GRIP2: variants seen among roughly 807,000 people sequenced by gnomAD.
GRIP2 encodes glutamate receptor-interacting protein 2.
Under a neutral mutation model 108.3 loss-of-function variants are expected in GRIP2, and 58 were observed. The observed-to-expected ratio is 0.54, with a 90% confidence interval of 0.43 to 0.67. GRIP2 has a LOEUF of 0.67. Ranked by LOEUF, GRIP2 falls within the 30% of genes least tolerant of loss-of-function variation. GRIP2 has a pLI of 0.00. For synonymous variants in GRIP2, 586 were observed against 598.2 expected (o/e 0.98, Z 0.30); for missense variants, 1,278 against 1,430.6 (o/e 0.89, Z 1.72).
chr3:14,495,211 G>C (rs190102855), intron 22 of GRIP2, among the ~76,000 whole-genome samples: 10 of 150,378 alleles, frequency 6.6e-5, no homozygotes, highest in African/African-American at 2.0e-4. Context: ...ACTCAAGTAC[G>C]ACGGAGCCCT....
At chr3:14,597,773 C>T in the GRIP2 span, among the ~76,000 whole-genome samples, 1 of 152,066 alleles carries the variant, frequency 6.6e-6, no homozygotes, top group African/African-American at 2.4e-5. Context: ...TCTATATCAC[C>T]ATTTGTGGCT....
chr3:14,599,679 C>CTGTGTGTGTGTGTGTGTGTG, the GRIP2 span, among the ~76,000 whole-genome samples: 5 of 107,076 alleles, frequency 4.7e-5, no homozygotes, highest in African/African-American at 1.9e-4. Flanking sequence ...CTCTCTCTCT[C>CTGTGTGTGTGTGTGTGTGTG]TCTCTCTGTG....
the GRIP2 span, among the ~76,000 whole-genome samples, chr3:14,566,035 G>C: frequency 6.6e-6 from 1 of 152,370 alleles, no homozygotes; most frequent in South Asian, 2.1e-4. Flanking sequence ...AAGAAAGGGA[G>C]GAGCGCATCC....
chr3:14,560,326 C>G (rs1695299858), upstream of GRIP2, among the ~76,000 whole-genome samples: 1 of 152,202 alleles, frequency 6.6e-6, no homozygotes, highest in African/African-American at 2.4e-5. Context: ...ATATGCTTCT[C>G]TGCCCATGTG....
intron 2 of GRIP2, 103 bp from the exon 3 acceptor site, chr3:14,525,675 G>C (rs1222356405): frequency 2.1e-6 from 3 of 1,415,482 alleles, no homozygotes; most frequent in Non-Finnish European, 3.0e-6. Context: ...AGGGCACTCT[G>C]CTGCATTGCC....
intron 1 of GRIP2, among the ~76,000 whole-genome samples, chr3:14,555,519 G>A (rs539172749): frequency 4.6e-5 from 7 of 152,174 alleles, no homozygotes; most frequent in Admixed American, 3.3e-4. Flanking sequence ...GAGCAGAGGC[G>A]GGGGCAGAGA....
In GRIP2 at chr3:14,507,544, G is replaced by T. The variant is rs1379111924; in HGVS notation, c.2218+17C>A. 2 of 1,610,428 alleles carry T rather than the reference G, an allele frequency of 1.2e-6. No homozygotes were observed. Among genetic ancestry groups the T allele is most frequent in the Non-Finnish European group, 1.7e-6 (2 of 1,176,936 alleles). Reference sequence around the variant, plus strand: ...TAAACCTGCTGGGTGGCTCCCAGGGGATGAAGCGAATCTCACGGTCTAGTT... The same window carrying T: ...TAAACCTGCTGGGTGGCTCCCAGGGTATGAAGCGAATCTCACGGTCTAGTT... On this transcript the variant is annotated intron_variant, in intron 18 of 23. Coordinates refer to ENST00000621039, the MANE Select transcript of GRIP2 (RefSeq NM_001080423.4). The surrounding 1 kb of genome is among the most constrained non-coding windows in gnomAD (Gnocchi z 4.6).
rs936968109 is a variant in GRIP2 at position 14,505,113 on chromosome 3, C to T, written c.2573+502G>A. On this transcript the variant is annotated intron_variant, in intron 20 of 23. Coordinates refer to ENST00000621039, the MANE Select transcript of GRIP2 (RefSeq NM_001080423.4). The surrounding 1 kb of genome is among the most constrained non-coding windows in gnomAD (Gnocchi z 4.2). ...AGAGACCAGGGGAAAGGCATCGAGG[C>T]AGAAGGAACCGCCTGATCAAAAGCA... Among the ~76,000 whole-genome samples, 9 of 152,148 alleles carry T rather than the reference C, an allele frequency of 5.9e-5. No homozygotes were observed. The highest frequency in any genetic ancestry group is 8.8e-5 in the Non-Finnish European group (6 of 68,014).
intron 20 of GRIP2, chr3:14,504,058 G>A (rs967829925): frequency 2.7e-5 from 7 of 257,770 alleles, no homozygotes; most frequent in Admixed American, 5.1e-5. Context: ...CGGCACCGTG[G>A]GACAGTGACA....
the GRIP2 span, among the ~76,000 whole-genome samples, chr3:14,586,985 G>T: frequency 6.6e-6 from 1 of 152,204 alleles, no homozygotes; most frequent in Non-Finnish European, 1.5e-5. Context: ...AGACTGAAAG[G>T]AAATACACCA....
At chr3:14,569,115 A>T in the GRIP2 span, among the ~76,000 whole-genome samples, 8 of 152,170 alleles carry the variant, frequency 5.3e-5, no homozygotes, top group African/African-American at 1.9e-4. Context: ...CTCTGCCCAG[A>T]CGCCCCCGCC....
intron 1 of GRIP2, among the ~76,000 whole-genome samples, chr3:14,550,106 G>A (rs1322400334): frequency 6.6e-6 from 1 of 152,166 alleles, no homozygotes; most frequent in Non-Finnish European, 1.5e-5. Context: ...TTGAGGACAG[G>A]GCTTGACCCT....
the GRIP2 span, chr3:14,574,058 G>T: frequency 1.3e-6 from 2 of 1,501,622 alleles, no homozygotes; most frequent in Non-Finnish European, 1.8e-6. Flanking sequence ...CCTGCTGCAC[G>T]TACTTGACGT....
At chr3:14,546,887 G>C (rs1032075224), upstream of GRIP2, among the ~76,000 whole-genome samples, 6 of 152,174 alleles carry the variant, frequency 3.9e-5, no homozygotes, top group African/African-American at 1.2e-4. Flanking sequence ...AGCCACAGTG[G>C]CAGCACCTGG....
Position 14,522,939 on chromosome 3 carries a change from T to C in GRIP2, c.566+61A>G. 7.0e-7 allele frequency: 1 copy of C among 1,422,956 alleles called. No homozygotes were observed. Among genetic ancestry groups the C allele is most frequent in the Non-Finnish European group, 9.9e-7 (1 of 1,006,042 alleles). 88.1% of individuals were successfully genotyped at this position (1,422,956 alleles called of 1,614,324 possible). A position where few individuals can be genotyped will look rare whatever the true frequency, so the allele number is the denominator to read the frequency against. ...GGGGCATGGTGACCCCACTCCACCT[T>C]CTTCGCAGGGGAGTTGGGGCAGGTC... On this transcript the variant is annotated intron_variant, in intron 6 of 23. Coordinates refer to ENST00000621039, the MANE Select transcript of GRIP2 (RefSeq NM_001080423.4). This position sits in a 1 kb window ranked among gnomAD's most constrained non-coding sequence, Gnocchi z 4.3.
chr3:14,597,770 C>T, the GRIP2 span, among the ~76,000 whole-genome samples: 1 of 152,082 alleles, frequency 6.6e-6, no homozygotes, highest in East Asian at 1.9e-4. Flanking sequence ...CAATCTATAT[C>T]ACCATTTGTG....
At chr3:14,547,639 C>T (rs575456181) in intron 1 of GRIP2, among the ~76,000 whole-genome samples, 16 of 152,320 alleles carry the variant, frequency 1.1e-4, no homozygotes, top group African/African-American at 3.4e-4. Flanking sequence ...AATGGGTGCT[C>T]AGAGCGCTCC....
intron 21 of GRIP2, among the ~76,000 whole-genome samples, chr3:14,502,181 C>T (rs141643808): frequency 1.2e-4 from 19 of 152,142 alleles, no homozygotes; most frequent in Admixed American, 3.3e-4. Context: ...TTAGAAACAA[C>T]GATACAGTAA....
rs779651362 is a variant in GRIP2, at chr3:14,512,426, C to A, written c.1720+351G>T. Among the ~76,000 whole-genome samples, 9 of 152,206 alleles carry A rather than the reference C, an allele frequency of 5.9e-5. No homozygotes were observed. Among genetic ancestry groups the A allele is most frequent in the African/African-American group, 1.4e-4 (6 of 41,448 alleles). On this transcript the variant is annotated intron_variant, in intron 14 of 23. Coordinates refer to ENST00000621039, the MANE Select transcript of GRIP2 (RefSeq NM_001080423.4). The surrounding 1 kb of genome is among the most constrained non-coding windows in gnomAD (Gnocchi z 5.1). The stretch of plus-strand genomic sequence containing the variant: ...AATTAAGCACCTACTGTGTTCCAGG[C>A]CTTTGCTGGGCTCTGAGAACACAGA...
Sources: allele counts gnomAD v4.1 joint callset (sites outside exome capture counted in the v4.1 genomes callset), GRCh38; gene constraint gnomAD v4.1.1; non-coding constraint Gnocchi (gnomAD v3.1); transcripts MANE v1.5; gene names NCBI Gene and HGNC (gene_info 2026-07-23, HGNC 2026-07-21).